ACTL8: variants seen among roughly 807,000 people sequenced by gnomAD.
ACTL8 encodes actin-like protein 8.
A neutral mutation model predicts 9.3 loss-of-function variants in ACTL8; 3 were observed. The ratio of observed to expected loss-of-function variants is 0.32; its 90% CI spans 0.15 to 0.83. The LOEUF (loss-of-function observed/expected upper bound fraction) is 0.83, where lower values mean the gene tolerates loss of function less well. Among genes scored for constraint, ACTL8 ranks in the 40% least tolerant of loss-of-function variants. The probability of loss-of-function intolerance (pLI) is 0.57; values close to 1 mark genes in which losing one functional copy is unlikely to be tolerated. For synonymous variants in ACTL8, 224 were observed against 205.9 expected (o/e 1.09, Z -0.75); for missense variants, 381 against 492.2 (o/e 0.77, Z 2.14).
chr1:17,779,947 A>G (rs889555093), intron 1 of ACTL8, among the ~76,000 whole-genome samples: 1 of 152,108 alleles, frequency 6.6e-6, no homozygotes, highest in Non-Finnish European at 1.5e-5. Context: ...TGGCTCATAC[A>G]TGTAATCCCA....
chr1:17,776,005 A>G (rs748386807), intron 1 of ACTL8, among the ~76,000 whole-genome samples: 15 of 152,272 alleles, frequency 9.9e-5, no homozygotes, highest in Non-Finnish European at 1.8e-4. Context: ...TGTTTGTGCT[A>G]TCCAGATGCT....
At chr1:17,765,653 C>A (rs1352299988) in intron 1 of ACTL8, among the ~76,000 whole-genome samples, 2 of 152,178 alleles carry the variant, frequency 1.3e-5, no homozygotes, top group East Asian at 3.9e-4. Context: ...CATTGTTGCT[C>A]CCTCGTAGCA....
chr1:17,791,565 C>T (rs1030932952), intron 1 of ACTL8, among the ~76,000 whole-genome samples: 45 of 152,176 alleles, frequency 3.0e-4, no homozygotes, highest in Non-Finnish European at 3.8e-4. Context: ...AGGTCTGCAT[C>T]GGGCACATCG....
intron 1 of ACTL8, among the ~76,000 whole-genome samples, chr1:17,758,721 G>A (rs939515661): frequency 2.0e-5 from 3 of 152,164 alleles, no homozygotes; most frequent in Non-Finnish European, 4.4e-5. Context: ...TCAAAGTGGG[G>A]CTTGTGATGG....
intron 1 of ACTL8, among the ~76,000 whole-genome samples, chr1:17,816,126 G>A (rs1213709663): frequency 4.0e-5 from 6 of 151,582 alleles, no homozygotes; most frequent in South Asian, 2.1e-4. Flanking sequence ...TACTGTCAGC[G>A]AATTTGAAAT....
chr1:17,824,123 G>A (rs976080659), intron 2 of ACTL8, among the ~76,000 whole-genome samples: 1 of 151,678 alleles, frequency 6.6e-6, no homozygotes, highest in South Asian at 2.1e-4. Flanking sequence ...CAGCAAGAGC[G>A]GCAAGAGGCA....
chr1:17,756,548 A>G (rs912358205), intron 1 of ACTL8, among the ~76,000 whole-genome samples: 3 of 152,148 alleles, frequency 2.0e-5, no homozygotes, highest in African/African-American at 7.2e-5. Flanking sequence ...TCAGTTCTCT[A>G]TTATAAGTTA....
chr1:17,770,958 A>G (rs190133940), intron 1 of ACTL8, among the ~76,000 whole-genome samples: 1 of 152,310 alleles, frequency 6.6e-6, no homozygotes, highest in East Asian at 1.9e-4. Context: ...CGGGTAATTT[A>G]CTTAACATCT....
At position 17,799,435 on chromosome 1, in the gene ACTL8, T is replaced by G. The variant is rs529136356; in HGVS notation, c.-24-23550T>G. Reference sequence around the variant, plus strand: ...TGTCTGAATGGATGCGTTTATACACTTTGTCAATTTCCTCATCTTTTTGTC... The same window carrying G: ...TGTCTGAATGGATGCGTTTATACACGTTGTCAATTTCCTCATCTTTTTGTC... On this transcript the variant is annotated intron_variant, in intron 1 of 2. Coordinates refer to ENST00000375406, the MANE Select transcript of ACTL8 (RefSeq NM_030812.3). Among the ~76,000 whole-genome samples the G allele has an allele frequency of 6.6e-5, 10 of 152,254 alleles. No individual in the cohort carries two copies. The East Asian group carries it at 1.7e-3, about 26-fold the overall frequency.
At chr1:17,816,766 G>C (rs1404059551) in intron 1 of ACTL8, among the ~76,000 whole-genome samples, 4 of 152,128 alleles carry the variant, frequency 2.6e-5, no homozygotes, top group Non-Finnish European at 5.9e-5. Flanking sequence ...TTCATATATA[G>C]AATCTGGGGA....
At chr1:17,817,883 G>T (rs1351311575) in intron 1 of ACTL8, among the ~76,000 whole-genome samples, 1 of 151,972 alleles carries the variant, frequency 6.6e-6, no homozygotes, top group Non-Finnish European at 1.5e-5. Context: ...GTATTTTTCA[G>T]TAGAGACGGG....
At chr1:17,791,212 C>A (rs2066237056) in intron 1 of ACTL8, among the ~76,000 whole-genome samples, 1 of 152,128 alleles carries the variant, frequency 6.6e-6, no homozygotes, top group African/African-American at 2.4e-5. Flanking sequence ...TCGGAAGGGG[C>A]AGGCCTCCTG....
chr1:17,764,430 CTTCT>C (rs934123101), intron 1 of ACTL8, among the ~76,000 whole-genome samples: 1 of 152,190 alleles, frequency 6.6e-6, no homozygotes, highest in Non-Finnish European at 1.5e-5. Context: ...TGGGGGTTCA[CTTCT>C]TTCCAGCCCA....
At chr1:17,757,526 G>A (rs114604568) in intron 1 of ACTL8, among the ~76,000 whole-genome samples, 2,323 of 110,088 alleles carry the variant, frequency 0.021, 61 homozygotes, top group African/African-American at 0.076. Flanking sequence ...CTTTCCCTCC[G>A]CAGTGCTGGA....
In ACTL8 at chr1:17,813,867, C is replaced by T. The variant is rs549636727; in HGVS notation, c.-24-9118C>T. Among the ~76,000 whole-genome samples the T allele has an allele frequency of 3.9e-5, 6 of 152,284 alleles. 1 individual carries two copies. The South Asian group carries it at 1.2e-3, about 32-fold the overall frequency. ...TACTTTATGTCTTTAAAGGATTTATCTATTTTACCTAAATTGTCAAAGTGT... is the reference window on the plus strand; with the variant it reads ...TACTTTATGTCTTTAAAGGATTTATTTATTTTACCTAAATTGTCAAAGTGT... On this transcript the variant is annotated intron_variant, in intron 1 of 2. Transcript: ENST00000375406.
intron 1 of ACTL8, among the ~76,000 whole-genome samples, chr1:17,787,276 T>C (rs929166912): frequency 1.9e-4 from 29 of 151,592 alleles, no homozygotes; most frequent in Admixed American, 9.2e-4. Flanking sequence ...TAGTGCATTC[T>C]TTTTTTTTGA....
At chr1:17,784,429 C>T (rs2066180258) in intron 1 of ACTL8, among the ~76,000 whole-genome samples, 1 of 152,164 alleles carries the variant, frequency 6.6e-6, no homozygotes, top group Non-Finnish European at 1.5e-5. Context: ...TGAACTTCTA[C>T]CTTCCATGCC....
At chr1:17,812,738 C>G (rs556323258) in intron 1 of ACTL8, among the ~76,000 whole-genome samples, 1 of 152,032 alleles carries the variant, frequency 6.6e-6, no homozygotes, top group Admixed American at 6.5e-5. Context: ...GGCAACCCAC[C>G]CGCCTCAGCC....
chr1:17,823,642 C>G lies in ACTL8; in HGVS notation c.348+286C>G, dbSNP rs2053683997. On this transcript the variant is annotated intron_variant, in intron 2 of 2. Transcript: ENST00000375406. The surrounding 1 kb of genome is among the most constrained non-coding windows in gnomAD (Gnocchi z 5.3). The stretch of plus-strand genomic sequence containing the variant: ...ACCTGGGAGGCTGAGGTGGGAGGAT[C>G]AGTTGAGCCCGGGAGGTCGAGAATA... Among the ~76,000 whole-genome samples the G allele has an allele frequency of 6.6e-6, 1 of 152,052 alleles. No individual in the cohort carries two copies. Among genetic ancestry groups the G allele is most frequent in the Admixed American group, 6.6e-5 (1 of 15,262 alleles).
Sources: gnomAD v4.1 joint callset for allele counts (sites outside exome capture counted in the v4.1 genomes callset) on GRCh38, gnomAD v4.1.1 for gene constraint, Gnocchi (gnomAD v3.1) non-coding constraint, MANE v1.5 for transcripts, NCBI Gene and HGNC (gene_info 2026-07-23, HGNC 2026-07-21) for gene names.